The following RNLS variants were observed in gnomAD, a reference collection of about 807,000 sequenced individuals.
The protein encoded by RNLS is renalase, FAD dependent amine oxidase.
A neutral mutation model predicts 39.8 loss-of-function variants in RNLS; 39 were observed. The ratio of observed to expected loss-of-function variants is 0.98; its 90% CI spans 0.76 to 1.28. RNLS has a LOEUF of 1.28. Ranked by LOEUF, RNLS falls within the 50% of genes most tolerant of loss-of-function variation. The probability of loss-of-function intolerance (pLI) is 0.00; values close to 1 mark genes in which losing one functional copy is unlikely to be tolerated. For synonymous variants in RNLS, 147 were observed against 150.7 expected (o/e 0.98, Z 0.18); for missense variants, 410 against 413.3 (o/e 0.99, Z 0.07).
chr10:88,564,288 T>C (rs1023325971), intron 4 of RNLS, among the ~76,000 whole-genome samples: 1 of 151,228 alleles, frequency 6.6e-6, no homozygotes, highest in Non-Finnish European at 1.5e-5. Context: ...CTCAACATTG[T>C]GTTTTGAAAG....
chr10:88,545,719 A>G (rs2134306275), intron 4 of RNLS, among the ~76,000 whole-genome samples: 1 of 152,290 alleles, frequency 6.6e-6, no homozygotes, highest in African/African-American at 2.4e-5. Context: ...TTATACTGCT[A>G]TTATGTTAAA....
At chr10:88,255,851 G>A in the RNLS span, among the ~76,000 whole-genome samples, 2 of 152,228 alleles carry the variant, frequency 1.3e-5, no homozygotes, top group East Asian at 3.8e-4. Context: ...CCCTAGGGCA[G>A]CACATCTCTT....
At chr10:88,568,008 A>T (rs1849611525) in intron 4 of RNLS, among the ~76,000 whole-genome samples, 1 of 152,120 alleles carries the variant, frequency 6.6e-6, no homozygotes, top group Admixed American at 6.5e-5. Flanking sequence ...CCACGACCAG[A>T]CTCTGTTATA....
chr10:88,491,836 G>T lies in RNLS; in HGVS notation c.526+81067C>A, dbSNP rs150939902. On this transcript the variant is annotated intron_variant, in intron 4 of 6. Coordinates refer to ENST00000331772, the MANE Select transcript of RNLS (RefSeq NM_001031709.3). ...GATCTTGAAGAGCTAGTGATGATAT[G>T]AAATGGAGGTAATAAAGGACCATTA... is the stretch of plus-strand genomic sequence containing the variant. 4.2e-3 allele frequency among the ~76,000 whole-genome samples: 636 copies of T among 152,088 alleles called. 5 individuals are homozygous for T. The highest frequency in any genetic ancestry group is 0.015 in the African/African-American group (608 of 41,476).
At chr10:88,537,932 G>A (rs1190856101) in intron 4 of RNLS, among the ~76,000 whole-genome samples, 1 of 152,104 alleles carries the variant, frequency 6.6e-6, no homozygotes, top group Admixed American at 6.5e-5. Context: ...TAAGTTTGCA[G>A]GCAATTCTCT....
chr10:88,561,919 C>G (rs1270211643), intron 4 of RNLS, among the ~76,000 whole-genome samples: 1 of 152,082 alleles, frequency 6.6e-6, no homozygotes, highest in African/African-American at 2.4e-5. Flanking sequence ...GACCAATAAG[C>G]TTATGAAAAG....
intron 6 of RNLS, among the ~76,000 whole-genome samples, chr10:88,310,409 CT>C (rs780016421): frequency 6.6e-6 from 1 of 151,834 alleles, no homozygotes; most frequent in Non-Finnish European, 1.5e-5. Flanking sequence ...ATTGTGTGTA[CT>C]TTTTGTGTTT....
At chr10:88,379,697 G>A (rs1851299817) in intron 4 of RNLS, among the ~76,000 whole-genome samples, 1 of 152,140 alleles carries the variant, frequency 6.6e-6, no homozygotes, top group South Asian at 2.1e-4. Flanking sequence ...GAAACTAAGA[G>A]GGTCTGTGGT....
chr10:88,177,347 T>G, the RNLS span, among the ~76,000 whole-genome samples: 1 of 152,188 alleles, frequency 6.6e-6, no homozygotes, highest in Non-Finnish European at 1.5e-5. Context: ...TTCTTTCTTC[T>G]GTTTGAGCTC....
At chr10:88,294,149 T>G (rs1843893276) in intron 6 of RNLS, among the ~76,000 whole-genome samples, 1 of 152,202 alleles carries the variant, frequency 6.6e-6, no homozygotes, top group Non-Finnish European at 1.5e-5. Flanking sequence ...CGGTTCATAT[T>G]GATTCTCTGT....
chr10:88,577,801 G>T (rs1464719567), intron 3 of RNLS, among the ~76,000 whole-genome samples: 2 of 152,098 alleles, frequency 1.3e-5, no homozygotes, highest in Non-Finnish European at 2.9e-5. Flanking sequence ...TAGAACATAA[G>T]GTCAAGAAGA....
At chr10:88,553,234 C>A (rs760794089) in intron 4 of RNLS, among the ~76,000 whole-genome samples, 3 of 152,164 alleles carry the variant, frequency 2.0e-5, no homozygotes, top group Non-Finnish European at 2.9e-5. Context: ...GCAAACAAAG[C>A]ATGACACATA....
chr10:88,292,800 T>C lies in RNLS; in HGVS notation c.877-7294A>G, dbSNP rs538288899. Among the ~76,000 whole-genome samples the C allele has an allele frequency of 2.1e-4, 32 of 152,066 alleles. No individual in the cohort carries two copies. The South Asian group carries it at 5.4e-3, about 26-fold the overall frequency. ...GGCTCACACCTGTAATCCCAGCACT[T>C]TGGGAGGCTGAGACGGGTGGATCAT... On this transcript the variant is annotated intron_variant, in intron 6 of 6. Coordinates refer to ENST00000331772, the MANE Select transcript of RNLS (RefSeq NM_001031709.3).
chr10:88,521,279 T>C (rs1019268021), intron 4 of RNLS, among the ~76,000 whole-genome samples: 1 of 152,070 alleles, frequency 6.6e-6, no homozygotes, highest in Admixed American at 6.6e-5. Context: ...ATAAAGACTA[T>C]GCTTTGACAG....
the RNLS span, among the ~76,000 whole-genome samples, chr10:88,252,768 C>T: frequency 6.6e-6 from 1 of 152,208 alleles, no homozygotes; most frequent in Non-Finnish European, 1.5e-5. Context: ...CAGCTCCTAT[C>T]ACACTACCGG....
intron 3 of RNLS, among the ~76,000 whole-genome samples, chr10:88,578,948 GAT>G (rs368402847): frequency 4.7e-4 from 71 of 152,198 alleles, no homozygotes; most frequent in African/African-American, 1.4e-3. Flanking sequence ...TGAACAAAAG[GAT>G]ATGTGTATGT....
At chr10:88,445,149 G>C (rs936364973) in intron 4 of RNLS, among the ~76,000 whole-genome samples, 2 of 152,180 alleles carry the variant, frequency 1.3e-5, no homozygotes, top group Non-Finnish European at 2.9e-5. Flanking sequence ...CCAGAAGAGA[G>C]TGAGGACCAA....
chr10:88,518,022 A>C (rs1011639478), intron 4 of RNLS, among the ~76,000 whole-genome samples: 2 of 151,930 alleles, frequency 1.3e-5, no homozygotes, highest in African/African-American at 4.8e-5. Flanking sequence ...TTGTTTTTGG[A>C]AACATGGTAA....
chr10:88,518,933 G>A (rs1003219945), intron 4 of RNLS, among the ~76,000 whole-genome samples: 1 of 151,976 alleles, frequency 6.6e-6, no homozygotes, highest in Non-Finnish European at 1.5e-5. Flanking sequence ...TTTGACCCTT[G>A]TATATCTCTA....
Sources: gnomAD v4.1 joint callset for allele counts (sites outside exome capture counted in the v4.1 genomes callset) on GRCh38, gnomAD v4.1.1 for gene constraint, MANE v1.5 for transcripts, NCBI Gene and HGNC (gene_info 2026-07-23, HGNC 2026-07-21) for gene names.